The following TMEFF2 variants were observed in gnomAD, a reference collection of about 807,000 sequenced individuals.
The protein encoded by TMEFF2 is transmembrane protein with EGF like and two follistatin like domains 2, also known as tomoregulin-2.
Under a neutral mutation model 53.8 loss-of-function variants are expected in TMEFF2, and 28 were observed. The ratio of observed to expected loss-of-function variants is 0.52; its 90% CI spans 0.39 to 0.71. The LOEUF (loss-of-function observed/expected upper bound fraction) is 0.71, where lower values mean the gene tolerates loss of function less well. TMEFF2 is among the 30% of genes least tolerant of loss of function. TMEFF2 has a pLI of 0.00. For missense variants in TMEFF2, 353 were observed against 455.2 expected (o/e 0.78, Z 2.04); for synonymous variants, 162 against 166.3 (o/e 0.97, Z 0.20).
At chr2:192,018,992 A>AC (rs1385625201) in intron 5 of TMEFF2, among the ~76,000 whole-genome samples, 3 of 152,060 alleles carry the variant, frequency 2.0e-5, no homozygotes, top group African/African-American at 7.2e-5. Flanking sequence ...ACACATTCAG[A>AC]CAACATCTAC....
At chr2:191,997,335 C>T (rs1429798678) in intron 7 of TMEFF2, among the ~76,000 whole-genome samples, 2 of 148,356 alleles carry the variant, frequency 1.3e-5, no homozygotes, top group Non-Finnish European at 3.0e-5. Context: ...GATTTCAGAT[C>T]TCTATATTAA....
chr2:191,996,265 G>C (rs1371789809), intron 7 of TMEFF2, among the ~76,000 whole-genome samples: 1 of 151,878 alleles, frequency 6.6e-6, no homozygotes, highest in Non-Finnish European at 1.5e-5. Context: ...TCAACTTGAA[G>C]AGTTCTTTGT....
At chr2:192,065,042 A>C (rs1688135277) in intron 4 of TMEFF2, among the ~76,000 whole-genome samples, 1 of 151,910 alleles carries the variant, frequency 6.6e-6, no homozygotes, top group South Asian at 2.1e-4. Flanking sequence ...ATCACTTTCC[A>C]CAGTTCAGAT....
intron 7 of TMEFF2, among the ~76,000 whole-genome samples, chr2:191,990,760 C>A (rs887955103): frequency 8.4e-6 from 1 of 118,618 alleles, no homozygotes; most frequent in Non-Finnish European, 1.8e-5. Context: ...GATCTCTTTG[C>A]GGGGTGTGTG....
At position 192,041,170 on chromosome 2, in the gene TMEFF2, G is replaced by T. The variant is rs190385007; in HGVS notation, c.536+16509C>A. Among the ~76,000 whole-genome samples the T allele has an allele frequency of 8.5e-5, 13 of 152,214 alleles. No individual in the cohort carries two copies. The East Asian group carries it at 2.5e-3, about 29-fold the overall frequency. ...AAAGGATACGGTCAAGAGAGTGAAA[G>T]GCAATTCCACAAAATAGAGAAACTA... On this transcript the variant is annotated intron_variant, in intron 5 of 9. Transcript: ENST00000272771.
chr2:192,125,495 C>T (rs142055869), intron 4 of TMEFF2, among the ~76,000 whole-genome samples: 600 of 152,036 alleles, frequency 3.9e-3, no homozygotes, highest in Non-Finnish European at 6.6e-3. Flanking sequence ...TCAAGAATAT[C>T]CTTAAATTTA....
chr2:191,951,383 A>G (rs1691875858), intron 9 of TMEFF2, among the ~76,000 whole-genome samples: 1 of 152,026 alleles, frequency 6.6e-6, no homozygotes, highest in African/African-American at 2.4e-5. Flanking sequence ...GGTGTTTAGG[A>G]GGAGGGCAGG....
chr2:192,184,406 T>A lies in TMEFF2; in HGVS notation c.360A>T (p.Ala120=). The change falls in exon 3 of 10, where the codon GCA becomes GCT. Residue 120 remains alanine, a synonymous_variant. Transcript: ENST00000272771. ...CAAGTATCTCACTCTGCTGTTTGCATGCAGCCTGTCGCAGGTAACACTCAT... is the reference window on the plus strand; with the variant it reads ...CAAGTATCTCACTCTGCTGTTTGCAAGCAGCCTGTCGCAGGTAACACTCAT... The part of the protein sequence containing the change: ...YQNECYLRQA[A]CKQQSEILVV... 1 of 1,613,424 alleles carries A rather than the reference T, an allele frequency of 6.2e-7. No individual in the cohort carries two copies. The highest frequency in any genetic ancestry group is 8.5e-7 in the Non-Finnish European group (1 of 1,179,532).
chr2:192,160,325 AAT>A, intron 4 of TMEFF2, among the ~76,000 whole-genome samples: 1 of 152,168 alleles, frequency 6.6e-6, no homozygotes, highest in East Asian at 1.9e-4. Context: ...ACATTTTTGC[AAT>A]ATCTGTACTG....
intron 7 of TMEFF2, among the ~76,000 whole-genome samples, chr2:191,963,566 C>T (rs1238220382): frequency 6.6e-6 from 1 of 152,140 alleles, no homozygotes; most frequent in Non-Finnish European, 1.5e-5. Flanking sequence ...GACTAACTGG[C>T]AGAGAGTGAA....
chr2:192,175,336 G>A (rs1691012395), intron 4 of TMEFF2, among the ~76,000 whole-genome samples: 1 of 151,550 alleles, frequency 6.6e-6, no homozygotes, highest in Non-Finnish European at 1.5e-5. Flanking sequence ...ACAATGTGTT[G>A]CCATGTAAAC....
At chr2:192,149,947 A>C (rs1690344479) in intron 4 of TMEFF2, among the ~76,000 whole-genome samples, 2 of 151,958 alleles carry the variant, frequency 1.3e-5, no homozygotes, top group Admixed American at 6.6e-5. Context: ...TATTAAGTGC[A>C]ACTTCTATCT....
intron 4 of TMEFF2, among the ~76,000 whole-genome samples, chr2:192,150,665 A>C (rs1440259474): frequency 2.1e-5 from 3 of 145,602 alleles, no homozygotes; most frequent in Non-Finnish European, 3.0e-5. Context: ...CAAAGCACAT[A>C]CTCCTAGGTC....
intron 4 of TMEFF2, among the ~76,000 whole-genome samples, chr2:192,072,254 T>G (rs935308209): frequency 6.6e-6 from 1 of 151,952 alleles, no homozygotes; most frequent in Admixed American, 6.6e-5. Flanking sequence ...TGCAAGAATA[T>G]ACCTAAGTTC....
chr2:192,143,619 C>T (rs978545507), intron 4 of TMEFF2, among the ~76,000 whole-genome samples: 6 of 152,044 alleles, frequency 3.9e-5, no homozygotes, highest in Non-Finnish European at 4.4e-5. Flanking sequence ...TAGACAGTCA[C>T]ATAATAAATA....
At chr2:192,181,494 C>T (rs2356961) in intron 3 of TMEFF2, among the ~76,000 whole-genome samples, 39,643 of 151,596 alleles carry the variant, frequency 0.26, 5,736 homozygotes, top group Middle Eastern at 0.37. Context: ...CCAAACCTTA[C>T]TCATTGCATG....
intron 4 of TMEFF2, among the ~76,000 whole-genome samples, chr2:192,116,912 T>C (rs1161059216): frequency 1.3e-5 from 2 of 151,406 alleles, no homozygotes; most frequent in Admixed American, 6.6e-5. Context: ...AGATCAAACA[T>C]CTATGGCTCA....
intron 4 of TMEFF2, among the ~76,000 whole-genome samples, chr2:192,164,768 G>C (rs563612636): frequency 6.7e-6 from 1 of 150,036 alleles, no homozygotes; most frequent in Non-Finnish European, 1.5e-5. Flanking sequence ...AAATGTTTTT[G>C]CTTATTTATT....
chr2:191,998,214 C>G lies in TMEFF2; in HGVS notation c.745+48G>C, dbSNP rs763786185. 3.5e-6 allele frequency: 5 copies of G among 1,434,416 alleles called. No homozygotes were observed. In the South Asian group the frequency reaches 3.7e-5, roughly 11 times the overall value. 88.9% of individuals were successfully genotyped at this position (1,434,416 alleles called of 1,614,324 possible). A position where few individuals can be genotyped will look rare whatever the true frequency, so the allele number is the denominator to read the frequency against. On this transcript the variant is annotated intron_variant, in intron 7 of 9. Transcript: ENST00000272771. Reference sequence around the variant, plus strand: ...TAGTAAACAACCATTTCCCAGGACTCTCTTTTAATAGAAGAGCTCACATTT... The same window carrying G: ...TAGTAAACAACCATTTCCCAGGACTGTCTTTTAATAGAAGAGCTCACATTT...
Sources: allele counts gnomAD v4.1 joint callset (sites outside exome capture counted in the v4.1 genomes callset), GRCh38; gene constraint gnomAD v4.1.1; transcripts MANE v1.5; gene names NCBI Gene and HGNC (gene_info 2026-07-23, HGNC 2026-07-21).